CCSER1: variants seen among roughly 807,000 people sequenced by gnomAD.
CCSER1 encodes coiled-coil serine rich protein 1, also known as serine-rich coiled-coil domain-containing protein 1.
Under a neutral mutation model 82.0 loss-of-function variants are expected in CCSER1, and 41 were observed. The observed-to-expected ratio is 0.50, with a 90% confidence interval of 0.39 to 0.65. CCSER1 has a LOEUF of 0.65. Ranked by LOEUF, CCSER1 falls within the 30% of genes least tolerant of loss-of-function variation. The probability of loss-of-function intolerance (pLI) is 0.00; values close to 1 mark genes in which losing one functional copy is unlikely to be tolerated. For missense variants in CCSER1, 1,119 were observed against 1,064.2 expected (o/e 1.05, Z -0.72); for synonymous variants, 414 against 383.9 (o/e 1.08, Z -0.92).
In CCSER1 at chr4:91,453,292, A is replaced by G. The variant is rs1431746143; in HGVS notation, c.2218-145280A>G. ...AGGCAGAAACAAGTCAATCAAACTT[A>G]TAACACTGTCTGCTTGAGAAAGTCA... On this transcript the variant is annotated intron_variant, in intron 10 of 10. Coordinates refer to ENST00000509176, the MANE Select transcript of CCSER1 (RefSeq NM_001145065.2). Among the ~76,000 whole-genome samples the G allele has an allele frequency of 4.6e-5, 7 of 152,062 alleles. No homozygotes were observed. In the South Asian group the frequency reaches 1.4e-3, roughly 31 times the overall value.
intron 5 of CCSER1, among the ~76,000 whole-genome samples, chr4:90,487,815 T>A (rs1219734762): frequency 1.3e-5 from 2 of 152,184 alleles, no homozygotes; most frequent in African/African-American, 4.8e-5. Flanking sequence ...CTAATTTTTG[T>A]ATTTTTAGTA....
At chr4:91,161,768 AATAAGCAACATGAAGCAATAAGAC>A (rs1731425307) in intron 10 of CCSER1, among the ~76,000 whole-genome samples, 1 of 150,716 alleles carries the variant, frequency 6.6e-6, no homozygotes, top group African/African-American at 2.4e-5. Flanking sequence ...CCTGAGACAT[AATAAGCAACATGAAGCAATAAGAC>A]ATAAGCAACA....
At chr4:90,915,466 A>C (rs1234307611) in intron 8 of CCSER1, among the ~76,000 whole-genome samples, 1 of 152,182 alleles carries the variant, frequency 6.6e-6, no homozygotes, top group African/African-American at 2.4e-5. Flanking sequence ...ATTCAACAAC[A>C]CTTCATGCTA....
At chr4:90,779,388 C>G (rs1753433051) in intron 7 of CCSER1, among the ~76,000 whole-genome samples, 1 of 151,928 alleles carries the variant, frequency 6.6e-6, no homozygotes, top group South Asian at 2.1e-4. Context: ...TAATAATTAT[C>G]TTACATAACG....
At chr4:90,837,733 A>G (rs1761989528) in intron 8 of CCSER1, among the ~76,000 whole-genome samples, 1 of 152,112 alleles carries the variant, frequency 6.6e-6, no homozygotes, top group African/African-American at 2.4e-5. Context: ...TAAAATTGAG[A>G]TGCCCATGGG....
At chr4:91,180,302 C>T (rs1733875720) in intron 10 of CCSER1, among the ~76,000 whole-genome samples, 1 of 152,202 alleles carries the variant, frequency 6.6e-6, no homozygotes, top group South Asian at 2.1e-4. Context: ...AGATTTCAGA[C>T]TCTGTGCTAG....
chr4:90,789,883 TC>T (rs1310153596), intron 7 of CCSER1, among the ~76,000 whole-genome samples: 2 of 152,172 alleles, frequency 1.3e-5, no homozygotes. Context: ...CTATATTTCT[TC>T]GGCTGGATTT....
intron 10 of CCSER1, among the ~76,000 whole-genome samples, chr4:91,405,808 C>T (rs150883332): frequency 0.013 from 1,940 of 152,254 alleles, 39 homozygotes; most frequent in African/African-American, 0.044. Context: ...GGGAATTCTC[C>T]GACCCCTTGC....
intron 10 of CCSER1, among the ~76,000 whole-genome samples, chr4:91,266,082 A>G (rs1438100604): frequency 1.3e-5 from 2 of 152,114 alleles, no homozygotes; most frequent in African/African-American, 4.8e-5. Context: ...CTCATGATGC[A>G]ATTATCTCCC....
At chr4:90,384,604 G>A (rs1749726644) in intron 3 of CCSER1, among the ~76,000 whole-genome samples, 1 of 151,994 alleles carries the variant, frequency 6.6e-6, no homozygotes, top group Non-Finnish European at 1.5e-5. Flanking sequence ...CTTCTTACCG[G>A]CCTGAAAGGT....
intron 5 of CCSER1, among the ~76,000 whole-genome samples, chr4:90,574,153 G>T (rs115554127): frequency 0.084 from 9,664 of 114,986 alleles, 974 homozygotes; most frequent in African/African-American, 0.26. Context: ...AGTATTTCTT[G>T]TTTTTTTTTA....
chr4:90,567,607 T>TG (rs1779561464), intron 5 of CCSER1, among the ~76,000 whole-genome samples: 1 of 128,118 alleles, frequency 7.8e-6, no homozygotes, highest in African/African-American at 3.8e-5. Context: ...TTTTTTTTAA[T>TG]GATTTTTTTT....
At chr4:90,711,003 C>A (rs1302473551) in intron 6 of CCSER1, among the ~76,000 whole-genome samples, 2 of 152,046 alleles carry the variant, frequency 1.3e-5, no homozygotes, top group African/African-American at 2.4e-5. Context: ...TCTCTGATTT[C>A]TTTGAGCAGT....
At chr4:91,310,644 T>C (rs1745402522) in intron 10 of CCSER1, among the ~76,000 whole-genome samples, 1 of 151,864 alleles carries the variant, frequency 6.6e-6, no homozygotes, top group Non-Finnish European at 1.5e-5. Flanking sequence ...TCTACCAAAA[T>C]GGAGATAAAT....
At chr4:90,227,700 G>T (rs1315571178) in intron 1 of CCSER1, among the ~76,000 whole-genome samples, 1 of 152,158 alleles carries the variant, frequency 6.6e-6, no homozygotes, top group Admixed American at 6.5e-5. Flanking sequence ...CTGCATTTTC[G>T]TCTGAGGTAC....
At chr4:90,245,226 C>A (rs1183072108) in intron 1 of CCSER1, among the ~76,000 whole-genome samples, 1 of 152,070 alleles carries the variant, frequency 6.6e-6, no homozygotes, top group Non-Finnish European at 1.5e-5. Context: ...TCATGAAAGG[C>A]CTACTTGTTC....
chr4:90,183,275 A>C (rs1421844663), intron 1 of CCSER1, among the ~76,000 whole-genome samples: 9 of 152,124 alleles, frequency 5.9e-5, no homozygotes. Flanking sequence ...TATGACCTCC[A>C]AACACACACA....
chr4:90,844,218 A>G (rs569429131), intron 8 of CCSER1, among the ~76,000 whole-genome samples: 2 of 151,832 alleles, frequency 1.3e-5, no homozygotes, highest in Non-Finnish European at 2.9e-5. Flanking sequence ...ATATATATGT[A>G]TAGAGAGAGA....
intron 9 of CCSER1, among the ~76,000 whole-genome samples, chr4:91,061,326 A>G (rs1407739503): frequency 6.6e-6 from 1 of 151,986 alleles, no homozygotes; most frequent in Non-Finnish European, 1.5e-5. Flanking sequence ...AAAGCAATGT[A>G]TTAGTTAACA....
Sources: gnomAD v4.1 joint callset for allele counts (sites outside exome capture counted in the v4.1 genomes callset) on GRCh38, gnomAD v4.1.1 for gene constraint, MANE v1.5 for transcripts, NCBI Gene and HGNC (gene_info 2026-07-23, HGNC 2026-07-21) for gene names.